The following GALNT11 variants were observed in gnomAD, a reference collection of about 807,000 sequenced individuals.
The protein encoded by GALNT11 is UDP-GalNAc:polypeptide N-acetylgalactosaminyltransferase 11.
A neutral mutation model predicts 72.7 loss-of-function variants in GALNT11; 47 were observed. The ratio of observed to expected loss-of-function variants is 0.65; its 90% CI spans 0.51 to 0.82. The LOEUF is 0.82. Among genes scored for constraint, GALNT11 ranks in the 40% least tolerant of loss-of-function variants. GALNT11 has a pLI of 0.00. For synonymous variants in GALNT11, 270 were observed against 286.6 expected, an observed-to-expected ratio of 0.94 and a Z score of 0.58; for missense variants, 677 against 778.4, an observed-to-expected ratio of 0.87 and a Z score of 1.55.
In GALNT11 at chr7:152,121,504, C is replaced by T. The variant is rs773727507; in HGVS notation, c.1696-42C>T. On this transcript the variant is annotated intron_variant, in intron 11 of 11. Coordinates refer to ENST00000430044, the MANE Select transcript of GALNT11 (RefSeq NM_022087.4). ...CTCTCCTCTGGATTTCCATGTTTTG[C>T]CAGTAATTGGCAGTATTTTTTTGTT... 7 of 1,585,818 alleles carry T rather than the reference C, an allele frequency of 4.4e-6. No homozygotes were observed. In the South Asian group the frequency reaches 6.9e-5, roughly 16 times the overall value.
chr7:152,044,164 G>A lies in GALNT11; in HGVS notation c.-39+18280G>A, dbSNP rs562955533. 1.5e-4 allele frequency among the ~76,000 whole-genome samples: 23 copies of A among 152,302 alleles called. No homozygotes were observed. The South Asian group carries it at 4.8e-3, about 32-fold the overall frequency. ...CAGGGGTCTCACAGCCTTCAGAGCT[G>A]AGAGCCATGAACAGAGATTTACCCA... is the stretch of plus-strand genomic sequence containing the variant. On this transcript the variant is annotated intron_variant, in intron 1 of 11. Coordinates refer to ENST00000430044, the MANE Select transcript of GALNT11 (RefSeq NM_022087.4).
intron 5 of GALNT11, chr7:152,107,385 G>C (rs1298130863): frequency 6.6e-6 from 1 of 152,182 alleles, no homozygotes; most frequent in Non-Finnish European, 1.5e-5. Flanking sequence ...GAAGCTAAGA[G>C]GGTGGGGGGC....
At chr7:152,037,739 A>G (rs1010961209) in intron 1 of GALNT11, among the ~76,000 whole-genome samples, 5 of 151,904 alleles carry the variant, frequency 3.3e-5, no homozygotes, top group African/African-American at 9.7e-5. Context: ...AATGTGGAAC[A>G]TCTTTCTTTT....
chr7:152,118,603 C>A, intron 9 of GALNT11, 75 bp from the exon 10 acceptor site: 3 of 1,329,794 alleles, frequency 2.3e-6, no homozygotes, highest in Non-Finnish European at 3.1e-6. Flanking sequence ...TCACATTTTG[C>A]CTGGAACCAC....
At chr7:152,098,241 C>G (rs1472159110) in intron 2 of GALNT11, among the ~76,000 whole-genome samples, 2 of 151,882 alleles carry the variant, frequency 1.3e-5, no homozygotes, top group Non-Finnish European at 2.9e-5. Flanking sequence ...CGCTTGGGCT[C>G]AGAAGTTTAA....
At chr7:152,070,691 C>T (rs1374879317) in intron 1 of GALNT11, among the ~76,000 whole-genome samples, 1 of 152,198 alleles carries the variant, frequency 6.6e-6, no homozygotes, top group Admixed American at 6.5e-5. Flanking sequence ...TGTATTTTAA[C>T]GTCATCTGAG....
rs775143228 is a variant in GALNT11 at position 152,113,405 on chromosome 7, T to A, written c.1233+7T>A. ...CTGGTTGGATGAATACAAGGTGAGA[T>A]GAAATTTCTTGTTTAGAAGGATGAA... On this transcript the variant is annotated splice_region_variant and intron_variant, in intron 8 of 11. Coordinates refer to ENST00000430044, the MANE Select transcript of GALNT11 (RefSeq NM_022087.4). 14 of 1,612,584 alleles carry A rather than the reference T, an allele frequency of 8.7e-6. No individual in the cohort carries two copies. Among genetic ancestry groups the A allele is most frequent in the South Asian group, 1.1e-5 (1 of 90,696 alleles).
At chr7:152,105,605 G>A (rs570418418) in intron 5 of GALNT11, among the ~76,000 whole-genome samples, 1 of 152,324 alleles carries the variant, frequency 6.6e-6, no homozygotes, top group African/African-American at 2.4e-5. Context: ...TATTTTCATA[G>A]CAACCCTTCT....
chr7:152,029,947 C>G (rs1586894306), intron 1 of GALNT11, among the ~76,000 whole-genome samples: 2 of 152,238 alleles, frequency 1.3e-5, no homozygotes, highest in South Asian at 4.1e-4. Flanking sequence ...CTTGTTTACA[C>G]TGACAACAAG....
intron 1 of GALNT11, among the ~76,000 whole-genome samples, chr7:152,072,340 G>GAAATTCT (rs2084704624): frequency 6.7e-6 from 1 of 148,836 alleles, no homozygotes; most frequent in Non-Finnish European, 1.5e-5. Flanking sequence ...AAAGAAAAAA[G>GAAATTCT]AAATTCTAAT....
rs554485527 is a variant in GALNT11, at chr7:152,044,632, T to C, written c.-39+18748T>C. Among the ~76,000 whole-genome samples the C allele has an allele frequency of 6.8e-4, 103 of 152,360 alleles. 1 individual carries two copies. The highest frequency in any genetic ancestry group is 2.4e-3 in the African/African-American group (100 of 41,584). ...CTAGAGAAATGCTCTGATATTTGTA[T>C]ATTGATTTTGTATCCTGTAACTTTA... On this transcript the variant is annotated intron_variant, in intron 1 of 11. Transcript: ENST00000430044.
chr7:152,118,823 AG>A, intron 10 of GALNT11, 41 bp downstream of exon 10: 1 of 1,540,276 alleles, frequency 6.5e-7, no homozygotes, highest in South Asian at 1.2e-5. Flanking sequence ...GTCCGCAAGG[AG>A]GCTTCCAGTG....
intron 11 of GALNT11, 148 bp downstream of exon 11, chr7:152,121,116 A>T (rs912209681): frequency 3.5e-6 from 3 of 852,398 alleles, no homozygotes; most frequent in Non-Finnish European, 5.3e-6. Flanking sequence ...AGGTAGTACA[A>T]ACCCTGTATA....
At chr7:152,106,692 A>G (rs1189161258) in intron 5 of GALNT11, among the ~76,000 whole-genome samples, 3 of 152,070 alleles carry the variant, frequency 2.0e-5, no homozygotes, top group Non-Finnish European at 1.5e-5. Context: ...TTTAGATAGC[A>G]ATAGCTATTT....
At chr7:152,053,635 A>G (rs1160940952) in intron 1 of GALNT11, among the ~76,000 whole-genome samples, 1 of 152,168 alleles carries the variant, frequency 6.6e-6, no homozygotes, top group Non-Finnish European at 1.5e-5. Flanking sequence ...CTTAGAGAAA[A>G]AGATTACCGA....
intron 1 of GALNT11, among the ~76,000 whole-genome samples, chr7:152,049,626 T>C (rs1187488730): frequency 6.6e-6 from 1 of 152,146 alleles, no homozygotes; most frequent in Non-Finnish European, 1.5e-5. Flanking sequence ...GTAACCACTG[T>C]GGCTACTGCC....
At chr7:152,085,216 A>G (rs1371092085) in intron 1 of GALNT11, among the ~76,000 whole-genome samples, 1 of 152,198 alleles carries the variant, frequency 6.6e-6, no homozygotes, top group Admixed American at 6.5e-5. Flanking sequence ...CCCACGTCTC[A>G]GCTTACAAGG....
In GALNT11 at chr7:152,117,474, CAG is replaced by C. The variant is rs1300736691; in HGVS notation, c.1452+102_1452+103del. 3.4e-6 allele frequency: 4 copies of C among 1,162,500 alleles called. No homozygotes were observed. In the African/African-American group the frequency reaches 4.6e-5, roughly 13 times the overall value. The allele number at this position is 1,162,500 out of a possible 1,614,324, so 72.0% of individuals were successfully genotyped here. The stretch of plus-strand genomic sequence containing the variant: ...ATGACAGGTGACACTGTGGACTTAA[CAG>C]AGTGTAATGACAGGCTTCAGCTTGC... On this transcript the variant is annotated intron_variant, in intron 9 of 11. Coordinates refer to ENST00000430044, the MANE Select transcript of GALNT11 (RefSeq NM_022087.4).
chr7:152,105,420 C>T (rs146169444), intron 5 of GALNT11, 50 bp downstream of exon 5: 29,521 of 1,583,662 alleles, frequency 0.019, 420 homozygotes, highest in South Asian at 0.041. Flanking sequence ...GACAAGGGCT[C>T]GAGCCTCAGC....
Sources: allele counts gnomAD v4.1 joint callset (sites outside exome capture counted in the v4.1 genomes callset), GRCh38; gene constraint gnomAD v4.1.1; transcripts MANE v1.5; gene names NCBI Gene and HGNC (gene_info 2026-07-23, HGNC 2026-07-21).